The following DDAH1 variants were observed in gnomAD, a reference collection of about 807,000 sequenced individuals.
The protein encoded by DDAH1 is N(G),N(G)-dimethylarginine dimethylaminohydrolase 1.
DDAH1 carries 19 observed loss-of-function variants against 28.8 expected under a neutral mutation model. The observed-to-expected ratio is 0.66, with a 90% CI of 0.46 to 0.97. The LOEUF (loss-of-function observed/expected upper bound fraction) is 0.97, where lower values mean the gene tolerates loss of function less well. Among genes scored for constraint, DDAH1 ranks in the 50% least tolerant of loss-of-function variants. The pLI, the probability that DDAH1 is intolerant of heterozygous loss-of-function variation, is 0.00. For synonymous variants in DDAH1, 153 were observed against 154.4 expected (o/e 0.99, Z 0.07); for missense variants, 326 against 375.9 (o/e 0.87, Z 1.10).
At chr1:85,421,581 A>G (rs1298393807) in intron 1 of DDAH1, among the ~76,000 whole-genome samples, 3 of 152,150 alleles carry the variant, frequency 2.0e-5, no homozygotes, top group African/African-American at 4.8e-5. Context: ...GCTGCCCACA[A>G]AATCCCCTGT....
intron 1 of DDAH1, among the ~76,000 whole-genome samples, chr1:85,381,809 ATC>A (rs1383871966): frequency 6.6e-6 from 1 of 152,010 alleles, no homozygotes; most frequent in African/African-American, 2.4e-5. Flanking sequence ...GCTTGCTTAT[ATC>A]TCTGTGTCAC....
At chr1:85,508,437 G>A (rs1457937610) in intron 1 of DDAH1, among the ~76,000 whole-genome samples, 1 of 152,216 alleles carries the variant, frequency 6.6e-6, no homozygotes, top group Non-Finnish European at 1.5e-5. Flanking sequence ...ATTTCCAACT[G>A]CAGTACCTGG....
rs978162058 is a variant in DDAH1 at position 85,343,658 on chromosome 1, GTCTT to G, written c.597+6753_597+6756del. 1.6e-4 allele frequency among the ~76,000 whole-genome samples: 24 copies of G among 152,152 alleles called. 2 individuals are homozygous for G. Among genetic ancestry groups the G allele is most frequent in the Non-Finnish European group, 1.5e-5 (1 of 68,030 alleles). On this transcript the variant is annotated intron_variant, in intron 4 of 5. Coordinates refer to ENST00000284031, the MANE Select transcript of DDAH1 (RefSeq NM_012137.4). ...TGACAACAATAACTAAAAATGCAAA[GTCTT>G]TATTTTTTCCATTTCAATCACCCTG...
intron 1 of DDAH1, among the ~76,000 whole-genome samples, chr1:85,451,223 G>A (rs1485256691): frequency 2.0e-5 from 3 of 152,170 alleles, no homozygotes; most frequent in Non-Finnish European, 4.4e-5. Context: ...GGCCACAGGT[G>A]GTCTGGCCAC....
At chr1:85,448,013 A>C (rs1654511420) in intron 1 of DDAH1, 1 of 152,466 alleles carries the variant, frequency 6.6e-6, no homozygotes, top group Non-Finnish European at 1.5e-5. Context: ...CAGCATCTTC[A>C]TCATCCTTTC....
At chr1:85,471,633 T>G (rs1021190448) in intron 2 of DDAH1, among the ~76,000 whole-genome samples, 1 of 152,176 alleles carries the variant, frequency 6.6e-6, no homozygotes, top group Non-Finnish European at 1.5e-5. Context: ...ATATTAACAG[T>G]TATTGTGCTC....
At chr1:85,485,456 A>G (rs1337752334) in intron 2 of DDAH1, among the ~76,000 whole-genome samples, 6 of 152,214 alleles carry the variant, frequency 3.9e-5, no homozygotes, top group Admixed American at 3.9e-4. Context: ...TGGTAACTGC[A>G]GAATAACTAA....
At chr1:85,403,562 AT>A (rs1364904015) in intron 1 of DDAH1, among the ~76,000 whole-genome samples, 1 of 152,108 alleles carries the variant, frequency 6.6e-6, no homozygotes, top group Admixed American at 6.6e-5. Context: ...ATAGTGATCT[AT>A]TTTTCAACCC....
At chr1:85,513,816 C>A (rs528266597) in intron 1 of DDAH1, among the ~76,000 whole-genome samples, 33 of 152,272 alleles carry the variant, frequency 2.2e-4, no homozygotes, top group Admixed American at 3.3e-4. Flanking sequence ...CCATCTCATG[C>A]CAGTTAGAAT....
intron 1 of DDAH1, among the ~76,000 whole-genome samples, chr1:85,460,244 C>T (rs1655068102): frequency 1.3e-5 from 2 of 152,104 alleles, no homozygotes; most frequent in South Asian, 4.2e-4. Flanking sequence ...GAGAATAAAC[C>T]CAGAACCAAA....
chr1:85,527,636 G>T (rs984103476), intron 1 of DDAH1, among the ~76,000 whole-genome samples: 1 of 152,124 alleles, frequency 6.6e-6, no homozygotes. Context: ...TCTCATCCCA[G>T]GCTAATGAGA....
At chr1:85,363,072 C>G (rs1649875804) in intron 1 of DDAH1, among the ~76,000 whole-genome samples, 1 of 152,152 alleles carries the variant, frequency 6.6e-6, no homozygotes, top group Non-Finnish European at 1.5e-5. Flanking sequence ...GTTTAATACT[C>G]TTTATTTCAG....
chr1:85,370,085 A>C (rs1406969585), intron 1 of DDAH1, among the ~76,000 whole-genome samples: 3 of 152,198 alleles, frequency 2.0e-5, no homozygotes, highest in Admixed American at 1.3e-4. Flanking sequence ...TAAGAATGTG[A>C]CTGCCTTTAG....
intron 1 of DDAH1, among the ~76,000 whole-genome samples, chr1:85,371,465 C>T (rs1268643293): frequency 6.6e-6 from 1 of 152,138 alleles, no homozygotes; most frequent in East Asian, 1.9e-4. Flanking sequence ...ATAGCCACTG[C>T]ACTCCAGCCT....
intron 4 of DDAH1, among the ~76,000 whole-genome samples, chr1:85,329,309 C>T (rs896400624): frequency 3.9e-5 from 6 of 152,222 alleles, no homozygotes; most frequent in Admixed American, 2.0e-4. Context: ...CAGCTGTTTC[C>T]ATGCTCTGCC....
At chr1:85,533,070 C>A (rs1365686855) in intron 1 of DDAH1, among the ~76,000 whole-genome samples, 1 of 152,162 alleles carries the variant, frequency 6.6e-6, no homozygotes, top group East Asian at 1.9e-4. Flanking sequence ...GTTTTATAAT[C>A]TTTTACTAAA....
At chr1:85,476,054 G>T (rs190791764) in intron 2 of DDAH1, among the ~76,000 whole-genome samples, 84 of 152,184 alleles carry the variant, frequency 5.5e-4, no homozygotes, top group Middle Eastern at 6.8e-3. Context: ...ATACAGACAG[G>T]TTTCGCCATA....
chr1:85,400,244 T>C (rs373516206), intron 1 of DDAH1, among the ~76,000 whole-genome samples: 2 of 131,232 alleles, frequency 1.5e-5, no homozygotes, highest in South Asian at 2.5e-4. Context: ...AGGCTGGAAG[T>C]ACAGTGGTGC....
chr1:85,380,308 A>C (rs917514850), intron 1 of DDAH1: 4 of 152,210 alleles, frequency 2.6e-5, no homozygotes, highest in Non-Finnish European at 5.9e-5. Flanking sequence ...TAATTTCTCA[A>C]TTATTTGAAA....
Sources: allele counts gnomAD v4.1 joint callset (sites outside exome capture counted in the v4.1 genomes callset), GRCh38; gene constraint gnomAD v4.1.1; transcripts MANE v1.5; gene names NCBI Gene and HGNC (gene_info 2026-07-23, HGNC 2026-07-21).